NCALD: variants seen among roughly 807,000 people sequenced by gnomAD.
NCALD encodes neurocalcin-delta.
A neutral mutation model predicts 18.6 loss-of-function variants in NCALD; 10 were observed. That is an observed-to-expected ratio of 0.54 (90% CI 0.33 to 0.91). The LOEUF (loss-of-function observed/expected upper bound fraction) is 0.91, where lower values mean the gene tolerates loss of function less well. Among genes scored for constraint, NCALD ranks in the 40% least tolerant of loss-of-function variants. The pLI is 0.03. For missense variants in NCALD, 184 were observed against 247.6 expected (o/e 0.74, Z 1.72); for synonymous variants, 88 against 87.4 (o/e 1.01, Z -0.04).
At chr8:101,918,761 C>T (rs1818060759) in intron 2 of NCALD, among the ~76,000 whole-genome samples, 3 of 151,666 alleles carry the variant, frequency 2.0e-5, no homozygotes, top group Non-Finnish European at 4.4e-5. Flanking sequence ...CACACACACA[C>T]ACACACACAC....
intron 4 of NCALD, among the ~76,000 whole-genome samples, chr8:101,821,912 AT>A (rs1813738429): frequency 7.6e-6 from 1 of 131,794 alleles, no homozygotes; most frequent in Non-Finnish European, 1.7e-5. Context: ...AAAAAATGTA[AT>A]TTTTTTCCAG....
intron 4 of NCALD, among the ~76,000 whole-genome samples, chr8:101,867,250 A>G (rs1017987386): frequency 1.3e-5 from 2 of 152,060 alleles, no homozygotes; most frequent in Non-Finnish European, 2.9e-5. Flanking sequence ...CCCTACCTTC[A>G]ATTTTCCTAG....
intron 3 of NCALD, among the ~76,000 whole-genome samples, chr8:101,914,188 T>TTCTCTTGATTG (rs1817898554): frequency 6.6e-6 from 1 of 152,216 alleles, no homozygotes; most frequent in African/African-American, 2.4e-5. Context: ...TCTCTCAGAC[T>TTCTCTTGATTG]TGAGTTGTTT....
chr8:101,768,241 C>T (rs1811430592), intron 1 of NCALD, among the ~76,000 whole-genome samples: 1 of 152,108 alleles, frequency 6.6e-6, no homozygotes, highest in Non-Finnish European at 1.5e-5. Flanking sequence ...AGTCTAGTGC[C>T]CACCAGAAAT....
intron 1 of NCALD, among the ~76,000 whole-genome samples, chr8:102,026,121 C>A (rs1219073094): frequency 6.6e-6 from 1 of 152,202 alleles, no homozygotes; most frequent in East Asian, 1.9e-4. Context: ...AACTACAGTT[C>A]AAGATGAGAT....
intron 2 of NCALD, among the ~76,000 whole-genome samples, chr8:101,702,793 T>C (rs116141931): frequency 0.011 from 1,695 of 152,322 alleles, 32 homozygotes; most frequent in African/African-American, 0.038. Context: ...AATCACACAT[T>C]GACGATGCTA....
At chr8:101,893,869 C>T (rs1300611333) in intron 3 of NCALD, among the ~76,000 whole-genome samples, 1 of 145,410 alleles carries the variant, frequency 6.9e-6, no homozygotes, top group Non-Finnish European at 1.5e-5. Flanking sequence ...TAAAGCAAGT[C>T]CTGAGTGACC....
At chr8:101,828,342 T>C (rs1814026972) in intron 4 of NCALD, among the ~76,000 whole-genome samples, 1 of 152,138 alleles carries the variant, frequency 6.6e-6, no homozygotes. Context: ...CCCGATTCAA[T>C]GCTTCCTCTC....
chr8:102,038,945 T>A (rs1018146071), intron 1 of NCALD, among the ~76,000 whole-genome samples: 4 of 152,114 alleles, frequency 2.6e-5, no homozygotes, highest in African/African-American at 9.7e-5. Context: ...AAAGCAAACA[T>A]CTGTGTTGCA....
intron 1 of NCALD, among the ~76,000 whole-genome samples, chr8:102,072,300 G>C (rs1367009503): frequency 6.6e-6 from 1 of 152,136 alleles, no homozygotes; most frequent in Non-Finnish European, 1.5e-5. Context: ...TTTCCAGCTG[G>C]GGTGGATGGG....
intron 1 of NCALD, among the ~76,000 whole-genome samples, chr8:102,033,900 G>A (rs944241546): frequency 6.6e-6 from 1 of 152,170 alleles, no homozygotes; most frequent in East Asian, 1.9e-4. Context: ...GGATTAAAGA[G>A]AAAAGCATAT....
At chr8:101,786,393 G>A (rs1197400372) in intron 1 of NCALD, among the ~76,000 whole-genome samples, 1 of 152,160 alleles carries the variant, frequency 6.6e-6, no homozygotes, top group Non-Finnish European at 1.5e-5. Context: ...GTTAATAAAT[G>A]TTCGCCAATT....
chr8:101,875,171 T>C (rs1350972790), intron 4 of NCALD, among the ~76,000 whole-genome samples: 1 of 152,216 alleles, frequency 6.6e-6, no homozygotes, highest in Non-Finnish European at 1.5e-5. Context: ...ATTTTTCATT[T>C]CACAGATGAA....
At chr8:101,833,001 G>T (rs1166981244) in intron 4 of NCALD, among the ~76,000 whole-genome samples, 1 of 152,194 alleles carries the variant, frequency 6.6e-6, no homozygotes, top group Non-Finnish European at 1.5e-5. Flanking sequence ...GATTGAAAAT[G>T]GATATCATGA....
intron 1 of NCALD, among the ~76,000 whole-genome samples, chr8:102,023,309 C>T (rs372630022): frequency 2.0e-4 from 31 of 151,714 alleles, no homozygotes; most frequent in Non-Finnish European, 3.8e-4. Flanking sequence ...CATACTGTGC[C>T]GTGAAAGCAC....
At chr8:101,711,739 C>A (rs555009311) in intron 2 of NCALD, among the ~76,000 whole-genome samples, 1 of 151,592 alleles carries the variant, frequency 6.6e-6, no homozygotes, top group South Asian at 2.1e-4. Flanking sequence ...TGAAAAGGAA[C>A]GAGCAAAGCC....
At chr8:101,991,394 C>A (rs910956671) in intron 2 of NCALD, among the ~76,000 whole-genome samples, 1 of 152,182 alleles carries the variant, frequency 6.6e-6, no homozygotes, top group Non-Finnish European at 1.5e-5. Context: ...ATTGATCTGT[C>A]TCTATTGTAA....
intron 1 of NCALD, chr8:101,788,717 T>C (rs1443031233): frequency 1.3e-5 from 2 of 152,214 alleles, no homozygotes; most frequent in Non-Finnish European, 2.9e-5. Flanking sequence ...CCAAACGGGT[T>C]AAGAATGTCC....
chr8:102,070,491 G>T (rs1824147022), intron 1 of NCALD, among the ~76,000 whole-genome samples: 1 of 151,722 alleles, frequency 6.6e-6, no homozygotes, highest in East Asian at 1.9e-4. Context: ...CTCTTTCATG[G>T]GGACTGCTCC....
Sources: gnomAD v4.1 joint callset for allele counts (sites outside exome capture counted in the v4.1 genomes callset) on GRCh38, gnomAD v4.1.1 for gene constraint, MANE v1.5 for transcripts, NCBI Gene and HGNC (gene_info 2026-07-23, HGNC 2026-07-21) for gene names.